Variants in SORBS3 observed in about 807,000 individuals in gnomAD.
The protein encoded by SORBS3 is sorbin and SH3 domain containing 3.
In SORBS3, 69 loss-of-function variants were observed where a neutral mutation model predicts 98.0. The observed-to-expected ratio is 0.70, with a 90% confidence interval of 0.58 to 0.86. SORBS3 has a LOEUF of 0.86. Ranked by LOEUF, SORBS3 falls within the 40% of genes least tolerant of loss-of-function variation. The pLI is 0.00. For missense variants in SORBS3, 954 were observed against 908.5 expected, an observed-to-expected ratio of 1.05 and a Z score of -0.64; for synonymous variants, 394 against 355.4, an observed-to-expected ratio of 1.11 and a Z score of -1.22.
intron 15 of SORBS3, 23 bp downstream of exon 15, chr8:22,566,891 C>T (rs750152369): frequency 5.6e-6 from 9 of 1,602,204 alleles, no homozygotes; most frequent in Non-Finnish European, 7.7e-6. Flanking sequence ...CTCCCCCTCC[C>T]CTTCCACCCA....
chr8:22,548,061 C>G (rs764011922), upstream of SORBS3, among the ~76,000 whole-genome samples: 23 of 152,362 alleles, frequency 1.5e-4, no homozygotes, highest in Non-Finnish European at 2.8e-4. Context: ...CCCATCCTGG[C>G]TGTCAGGCCC....
intron 4 of SORBS3, among the ~76,000 whole-genome samples, chr8:22,557,721 G>A: frequency 6.6e-6 from 1 of 152,176 alleles, no homozygotes; most frequent in Non-Finnish European, 1.5e-5. Context: ...GCTGAGGCAG[G>A]ATGATTGCTT....
intron 1 of SORBS3, among the ~76,000 whole-genome samples, chr8:22,545,858 C>G (rs1370301902): frequency 6.6e-6 from 1 of 152,228 alleles, no homozygotes; most frequent in Non-Finnish European, 1.5e-5. Flanking sequence ...GTTTTTGTCA[C>G]AGAACTTTTT....
intron 17 of SORBS3, among the ~76,000 whole-genome samples, chr8:22,570,277 T>C (rs1275424388): frequency 6.6e-6 from 1 of 152,162 alleles, no homozygotes; most frequent in Non-Finnish European, 1.5e-5. Flanking sequence ...AGGCAAGGGC[T>C]GGAGGCCACC....
chr8:22,565,811 C>A lies in SORBS3; in HGVS notation c.904-15C>A. On this transcript the variant is annotated splice_polypyrimidine_tract_variant and intron_variant, in intron 11 of 20. Transcript: ENST00000240123. ...CCGGGGTCGCGGGCCCTGATTGCGC[C>A]GTTTCCCCGCGCAGAGCTCGCCGGC... The A allele has an allele frequency of 1.5e-6, 2 of 1,317,004 alleles. No individual in the cohort carries two copies. Among genetic ancestry groups the A allele is most frequent in the South Asian group, 2.0e-5 (1 of 50,338 alleles). The allele number at this position is 1,317,004 out of a possible 1,614,324, so 81.6% of individuals were successfully genotyped here.
rs780345923 is a variant in SORBS3 at position 22,566,451 on chromosome 8, C to G, written c.1057C>G (p.Arg353Gly). ...MADGGSPFLG[R>G]RDFVYPSSTR... ...TGATGGAGGAAGCCCCTTCCTAGGTCGGAGGGACTTTGTCTACCCTTCCTC... is the reference window on the plus strand; with the variant it reads ...TGATGGAGGAAGCCCCTTCCTAGGTGGGAGGGACTTTGTCTACCCTTCCTC... Residue 353 changes from arginine to glycine, a missense_variant, in exon 13 of 21, where the codon CGG (arginine) becomes GGG (glycine). By Grantham distance (125) the Arg-to-Gly change is moderately radical (BLOSUM62 -2). Transcript: ENST00000240123. 8 of 1,613,854 alleles carry G rather than the reference C, an allele frequency of 5.0e-6. No individual in the cohort carries two copies. The Admixed American group carries it at 5.0e-5, about 10-fold the overall frequency.
chr8:22,570,386 T>A (rs1840542214), intron 17 of SORBS3, among the ~76,000 whole-genome samples: 1 of 152,042 alleles, frequency 6.6e-6, no homozygotes, highest in South Asian at 2.1e-4. Context: ...CATGACAAGG[T>A]CCCCCAGCGT....
At chr8:22,566,957 C>A in intron 15 of SORBS3, 89 bp downstream of exon 15, 1 of 1,553,946 alleles carries the variant, frequency 6.4e-7, no homozygotes, top group Admixed American at 1.7e-5. Flanking sequence ...CTGCAGTGGG[C>A]ATCCCCAAGG....
At chr8:22,565,940 C>G in intron 12 of SORBS3, 68 bp downstream of exon 12, 2 of 1,088,230 alleles carry the variant, frequency 1.8e-6, no homozygotes, top group Non-Finnish European at 2.3e-6. Flanking sequence ...GTGGCGCGGC[C>G]GGGCGGGGCG....
chr8:22,572,209 AGTT>A, intron 19 of SORBS3, 128 bp from the exon 20 acceptor site: 2 of 741,374 alleles, frequency 2.7e-6, no homozygotes, highest in South Asian at 3.2e-5. Context: ...GCACAGGCTG[AGTT>A]GCTCTGAGGA....
chr8:22,569,337 C>A, intron 17 of SORBS3, 64 bp downstream of exon 17: 2 of 1,362,498 alleles, frequency 1.5e-6, no homozygotes, highest in Non-Finnish European at 1.9e-6. Flanking sequence ...AATATGTGCA[C>A]TAAAAACAGT....
At chr8:22,571,258 T>G in intron 18 of SORBS3, 37 bp downstream of exon 18, 1 of 1,259,772 alleles carries the variant, frequency 7.9e-7, no homozygotes, top group Non-Finnish European at 1.1e-6. Context: ...GTCGACCTCC[T>G]CCTCACCCCT....
chr8:22,573,480 A>G, intron 20 of SORBS3: 1 of 446,470 alleles, frequency 2.2e-6, no homozygotes, highest in Admixed American at 2.4e-5. Context: ...GAAATAAATT[A>G]AAAATCCAGT....
intron 5 of SORBS3, 137 bp from the exon 6 acceptor site, chr8:22,561,198 T>C (rs1217445031): frequency 1.9e-5 from 15 of 795,846 alleles, no homozygotes; most frequent in Non-Finnish European, 3.0e-5. Flanking sequence ...TTCCCTCCCT[T>C]GGGACATTCT....
At chr8:22,569,342 A>G in intron 17 of SORBS3, 69 bp downstream of exon 17, 1 of 1,364,842 alleles carries the variant, frequency 7.3e-7, no homozygotes, top group South Asian at 1.5e-5. Flanking sequence ...GTGCACTAAA[A>G]ACAGTTTTTT....
chr8:22,565,665 T>C (rs1205564939), intron 11 of SORBS3, 161 bp from the exon 12 acceptor site: 2 of 1,206,824 alleles, frequency 1.7e-6, no homozygotes, highest in African/African-American at 3.2e-5. Context: ...TTCCCCTAGT[T>C]CCCGCCCCGC....
At chr8:22,562,296 G>A (rs1194958703) in intron 7 of SORBS3, among the ~76,000 whole-genome samples, 3 of 152,256 alleles carry the variant, frequency 2.0e-5, no homozygotes, top group African/African-American at 7.2e-5. Context: ...CTGTTGAGGG[G>A]AACTTGGACC....
chr8:22,570,964 A>G lies in SORBS3; in HGVS notation c.1486A>G (p.Ile496Val), dbSNP rs760760628. ...KVNENWYEGR[I>V]TGTGRQGIFP... ...GAACGAGAACTGGTACGAGGGACGC[A>G]TCACGGGCACGGGGCGCCAAGGCAT... Residue 496 changes from isoleucine (I) to valine (V), a missense_variant, in exon 18 of 21, where the codon ATC (isoleucine) becomes GTC (valine). Coordinates refer to ENST00000240123, the MANE Select transcript of SORBS3 (RefSeq NM_005775.5). 4.3e-6 allele frequency: 7 copies of G among 1,613,346 alleles called. No individual in the cohort carries two copies. In the East Asian group the frequency reaches 1.6e-4, roughly 36 times the overall value.
chr8:22,574,170 T>TC (rs1563845513), intron 20 of SORBS3, among the ~76,000 whole-genome samples: 25 of 135,398 alleles, frequency 1.8e-4, no homozygotes, highest in Admixed American at 9.9e-4. Flanking sequence ...CCCGCTGGGG[T>TC]TCCCCCCCCT....
Sources: gnomAD v4.1 joint callset for allele counts (sites outside exome capture counted in the v4.1 genomes callset) on GRCh38, gnomAD v4.1.1 for gene constraint, MANE v1.5 for transcripts, NCBI Gene and HGNC (gene_info 2026-07-23, HGNC 2026-07-21) for gene names.